The following IL31RA variants were observed in gnomAD, a reference collection of about 807,000 sequenced individuals.
The protein encoded by IL31RA is interleukin 31 receptor A.
A neutral mutation model predicts 83.7 loss-of-function variants in IL31RA; 66 were observed. That is an observed-to-expected ratio of 0.79 (90% confidence interval 0.65 to 0.97). The LOEUF is 0.97. IL31RA is among the 50% of genes least tolerant of loss of function. The probability of loss-of-function intolerance (pLI) is 0.00; values close to 1 mark genes in which losing one functional copy is unlikely to be tolerated. For synonymous variants in IL31RA, 325 were observed against 329.0 expected (o/e 0.99, Z 0.13); for missense variants, 798 against 919.4 (o/e 0.87, Z 1.71).
At chr5:55,851,657 C>T (rs1373762177) in intron 1 of IL31RA, 24 bp downstream of exon 1, 1 of 1,613,714 alleles carries the variant, frequency 6.2e-7, no homozygotes. Flanking sequence ...TGGGGGGTTA[C>T]AAATAATTCC....
intron 2 of IL31RA, among the ~76,000 whole-genome samples, chr5:55,862,880 G>A (rs10057591): frequency 0.081 from 12,403 of 152,240 alleles, 857 homozygotes; most frequent in African/African-American, 0.19. Flanking sequence ...GGGGAAAAAG[G>A]CAACAGAGGT....
chr5:55,922,795 C>T lies in IL31RA; in HGVS notation c.*5675C>T, dbSNP rs995855255. On this transcript the variant is annotated 3_prime_UTR_variant, in exon 15 of 15. Coordinates refer to ENST00000652347, the MANE Select transcript of IL31RA (RefSeq NM_139017.7). ...TATACTATTTTCATGTAATACTATA[C>T]TTCTATACTATTTTCATGTAATACT... The T allele has an allele frequency of 4.8e-6, 1 of 207,782 alleles. No homozygotes were observed. Among genetic ancestry groups the T allele is most frequent in the Non-Finnish European group, 9.6e-6 (1 of 104,156 alleles). The allele number at this position is 207,782 out of a possible 1,614,324, so 12.9% of individuals were successfully genotyped here.
At chr5:55,840,509 T>C in the IL31RA span, among the ~76,000 whole-genome samples, 1 of 152,242 alleles carries the variant, frequency 6.6e-6, no homozygotes, top group East Asian at 1.9e-4. Context: ...GCTGCCTTTG[T>C]GGAACTTACA....
intron 2 of IL31RA, among the ~76,000 whole-genome samples, chr5:55,864,366 TAC>T (rs1332154872): frequency 9.9e-6 from 1 of 101,460 alleles, no homozygotes; most frequent in Admixed American, 1.0e-4. Context: ...CCACACACAC[TAC>T]ACACACACCA....
At chr5:55,914,634 C>T (rs1450592314) in intron 13 of IL31RA, among the ~76,000 whole-genome samples, 1 of 152,136 alleles carries the variant, frequency 6.6e-6, no homozygotes, top group Non-Finnish European at 1.5e-5. Flanking sequence ...GGAGAGTCTC[C>T]TTTGATCACA....
upstream of IL31RA, among the ~76,000 whole-genome samples, chr5:55,847,247 A>T (rs1393942778): frequency 9.1e-5 from 4 of 43,808 alleles, no homozygotes; most frequent in African/African-American, 2.2e-4. Flanking sequence ...AAAAATAAAA[A>T]TAAATAAATA....
chr5:55,883,189 C>G lies in IL31RA; in HGVS notation c.600C>G (p.Thr200=), dbSNP rs770914218. 1 of 1,612,672 alleles carries G rather than the reference C, an allele frequency of 6.2e-7. No homozygotes were observed. Among genetic ancestry groups the G allele is most frequent in the South Asian group, 1.1e-5 (1 of 91,050 alleles). ...TTCGATTCAGGACAGTCAACAGTAC[C>G]AGCTGGGTAAGTTATGCCATTATAA... ...YTLRFRTVNS[T]SWMEVNFAKN... Residue 200 remains threonine, a synonymous_variant, in exon 5 of 15, where the codon ACC becomes ACG. Coordinates refer to ENST00000652347, the MANE Select transcript of IL31RA (RefSeq NM_139017.7).
At chr5:55,867,536 TAAC>T (rs1435277567) in intron 2 of IL31RA, among the ~76,000 whole-genome samples, 1 of 152,158 alleles carries the variant, frequency 6.6e-6, no homozygotes, top group African/African-American at 2.4e-5. Flanking sequence ...TCTTCTTTAT[TAAC>T]ACATTAAATA....
Position 55,914,749 on chromosome 5 carries a change from AC to A in IL31RA, c.1737-97del, listed in dbSNP as rs1408448681. ...ATGCCCTTATTTAGGAGGGAAACTT[AC>A]AATTCCCTTTAGCACAGCCTCACTC... is the stretch of plus-strand genomic sequence containing the variant. On this transcript the variant is annotated intron_variant, in intron 13 of 14. Coordinates refer to ENST00000652347, the MANE Select transcript of IL31RA (RefSeq NM_139017.7). 3.7e-5 allele frequency: 34 copies of A among 919,746 alleles called. No individual in the cohort carries two copies. In the East Asian group the frequency reaches 7.7e-4, roughly 21 times the overall value. 57.0% of individuals were successfully genotyped at this position (919,746 alleles called of 1,614,324 possible).
In IL31RA at chr5:55,900,618, C is replaced by T. The variant is rs144297591; in HGVS notation, c.1069+486C>T. Among the ~76,000 whole-genome samples, 782 of 152,294 alleles carry T rather than the reference C, an allele frequency of 5.1e-3. 10 individuals are homozygous for T. Among genetic ancestry groups the T allele is most frequent in the African/African-American group, 0.018 (757 of 41,564 alleles). ...CTATGGAAAAATTCTAGTGTTTATA[C>T]TTGCCAATAAATTGTTCATTACACT... is the stretch of plus-strand genomic sequence containing the variant. On this transcript the variant is annotated intron_variant, in intron 8 of 14. Coordinates refer to ENST00000652347, the MANE Select transcript of IL31RA (RefSeq NM_139017.7).
chr5:55,844,098 A>G, the IL31RA span, among the ~76,000 whole-genome samples: 2 of 152,074 alleles, frequency 1.3e-5, no homozygotes, highest in Non-Finnish European at 2.9e-5. Flanking sequence ...GCCAGAGGGG[A>G]AAATAAACCA....
intron 14 of IL31RA, among the ~76,000 whole-genome samples, chr5:55,916,419 T>C (rs1350715186): frequency 6.6e-6 from 1 of 151,820 alleles, no homozygotes; most frequent in East Asian, 1.9e-4. Flanking sequence ...TAAATAAATT[T>C]TAAAAATTGT....
chr5:55,872,688 AG>A (rs1746604408), intron 4 of IL31RA, among the ~76,000 whole-genome samples: 1 of 152,040 alleles, frequency 6.6e-6, no homozygotes, highest in Non-Finnish European at 1.5e-5. Context: ...GAGAAACAAA[AG>A]CTATTTTGTG....
the IL31RA span, among the ~76,000 whole-genome samples, chr5:55,844,789 T>C: frequency 3.3e-5 from 5 of 152,166 alleles, no homozygotes; most frequent in Non-Finnish European, 7.3e-5. Flanking sequence ...TTAGATACTA[T>C]TGTTTATTTA....
At chr5:55,900,175 C>A in intron 8 of IL31RA, 43 bp downstream of exon 8, 1 of 1,408,366 alleles carries the variant, frequency 7.1e-7, no homozygotes, top group Non-Finnish European at 1.0e-6. Context: ...CTGGTCCCAT[C>A]AATTGGCCAA....
Position 55,907,451 on chromosome 5 carries a change from A to G in IL31RA, c.1345A>G (p.Lys449Glu). The G allele has an allele frequency of 6.2e-7, 1 of 1,608,098 alleles. No homozygotes were observed. ...GCCATATTCCATCCAGGCTTATGCC[A>G]AAGAAGGCGGTATGAATGGACAAGA... is the stretch of plus-strand genomic sequence containing the variant. ...GEPYSIQAYAKEGVPSEGPET... is the reference protein window; with the variant it reads ...GEPYSIQAYAEEGVPSEGPET... Residue 449 changes from lysine (K) to glutamate (E), a missense_variant, in exon 10 of 15, where the codon AAA becomes GAA. Transcript: ENST00000652347.
chr5:55,916,684 C>T lies in IL31RA; in HGVS notation c.1859C>T (p.Thr620Ile), dbSNP rs762056162. Residue 620 changes from threonine to isoleucine, a missense_variant, in exon 15 of 15, where the codon ACA (threonine) becomes ATA (isoleucine). Thr to Ile is a moderately conservative substitution (Grantham distance 89). Transcript: ENST00000652347. ...AAGGAGTCTGATGACTCTGTGAACA[C>T]AGAAGACAGGATCTTAAAACCATGT... is the stretch of plus-strand genomic sequence containing the variant. ...NLKESDDSVN[T>I]EDRILKPCST... The T allele has an allele frequency of 3.1e-6, 5 of 1,614,158 alleles. No homozygotes were observed. In the Admixed American group the frequency reaches 6.7e-5, roughly 22 times the overall value.
At position 55,883,327 on chromosome 5, in the gene IL31RA, TCTC is replaced by T. The variant is rs551332938; in HGVS notation, c.606+135_606+137del. 1.4e-5 allele frequency: 12 copies of T among 864,032 alleles called. No individual in the cohort carries two copies. In the African/African-American group the frequency reaches 1.5e-4, roughly 11 times the overall value. 53.5% of individuals were successfully genotyped at this position (864,032 alleles called of 1,614,324 possible). A position where few individuals can be genotyped will look rare whatever the true frequency, so the allele number is the denominator to read the frequency against. On this transcript the variant is annotated intron_variant, in intron 5 of 14. Transcript: ENST00000652347. ...TAGAAGAGAGACATTGCTAAGTACT[TCTC>T]CTTCCAGTTTTCCATTTTTCCATCT...
chr5:55,841,788 A>G, the IL31RA span, among the ~76,000 whole-genome samples: 1 of 152,074 alleles, frequency 6.6e-6, no homozygotes, highest in East Asian at 1.9e-4. Context: ...TTCATTTCCT[A>G]GGGATGTTGT....
Sources: gnomAD v4.1 joint callset for allele counts (sites outside exome capture counted in the v4.1 genomes callset) on GRCh38, gnomAD v4.1.1 for gene constraint, MANE v1.5 for transcripts, NCBI Gene and HGNC (gene_info 2026-07-23, HGNC 2026-07-21) for gene names.